The following HPS1 variants were observed in gnomAD, a reference collection of about 807,000 sequenced individuals.
HPS1 encodes the protein BLOC-3 complex member HPS1.
Under a neutral mutation model 90.6 loss-of-function variants are expected in HPS1, and 59 were observed. That is an observed-to-expected ratio of 0.65 (90% CI 0.53 to 0.81). The LOEUF is 0.81. HPS1 is among the 30% of genes least tolerant of loss of function. The pLI is 0.00. For missense variants in HPS1, 849 were observed against 896.7 expected, an observed-to-expected ratio of 0.95 and a Z score of 0.68; for synonymous variants, 388 against 384.4, an observed-to-expected ratio of 1.01 and a Z score of -0.11.
chr10:98,446,630 TCCCCCCAC>T (rs1193846176), intron 1 of HPS1, among the ~76,000 whole-genome samples, 169 bp downstream of exon 1: 3 of 113,556 alleles, frequency 2.6e-5, no homozygotes, highest in African/African-American at 1.0e-4. Context: ...AATCCCCACC[TCCCCCCAC>T]CCCCGAACCT....
At chr10:98,424,455 C>CCTGA in intron 13 of HPS1, 81 bp from the exon 14 acceptor site, 3 of 1,242,868 alleles carry the variant, frequency 2.4e-6, no homozygotes, top group African/African-American at 1.5e-5. Context: ...TCAGATCAGG[C>CCTGA]TCTGAGAGGG....
chr10:98,426,030 T>G (rs1183772269), intron 11 of HPS1, 45 bp from the exon 12 acceptor site: 1 of 1,557,350 alleles, frequency 6.4e-7, no homozygotes, highest in Non-Finnish European at 8.9e-7. Context: ...ATCCCTAAGT[T>G]GGACCCACCC....
rs1846454846 is a variant in HPS1, at chr10:98,431,400, GC to G, written c.508-110del. On this transcript the variant is annotated intron_variant, in intron 6 of 19. Transcript: ENST00000361490. ...TCTGTCCACAGTGAGCTTGGACTCT[GC>G]ACCAGATACTTGGAAACAGGGGGAC... 2.5e-6 allele frequency: 3 copies of G among 1,184,868 alleles called. No homozygotes were observed. The African/African-American group carries it at 4.5e-5, about 18-fold the overall frequency. 73.4% of individuals were successfully genotyped at this position (1,184,868 alleles called of 1,614,324 possible).
intron 2 of HPS1, among the ~76,000 whole-genome samples, chr10:98,444,262 C>G (rs970490080): frequency 1.3e-4 from 20 of 152,096 alleles, no homozygotes; most frequent in Non-Finnish European, 2.1e-4. Flanking sequence ...TCCCCACCCC[C>G]CCGCCACACA....
At chr10:98,429,520 G>T (rs1458599201) in intron 10 of HPS1, 53 bp downstream of exon 10, 1 of 1,613,700 alleles carries the variant, frequency 6.2e-7, no homozygotes, top group East Asian at 2.2e-5. Context: ...GTCCTGGGCT[G>T]CCTGTCGCTC....
chr10:98,414,874 C>T (rs12253431), downstream of HPS1: 66 of 1,314,560 alleles, frequency 5.0e-5, no homozygotes, highest in African/African-American at 6.0e-4. Context: ...CCCCTGCTAG[C>T]GTATAAACTT....
chr10:98,425,661 C>T lies in HPS1; in HGVS notation c.1215G>A (p.Leu405=), dbSNP rs1411480885. 6.2e-6 allele frequency: 10 copies of T among 1,613,520 alleles called. No individual in the cohort carries two copies. The highest frequency in any genetic ancestry group is 8.5e-6 in the Non-Finnish European group (10 of 1,179,936). Reference sequence around the variant, plus strand: ...CCGGCCCTTCCTTCAGCTTCTTCTCCAGCATGGAGAAGCCATCCATCAGCT... The same window carrying T: ...CCGGCCCTTCCTTCAGCTTCTTCTCTAGCATGGAGAAGCCATCCATCAGCT... The part of the protein sequence containing the change: ...LSQLMDGFSM[L]EKKLKEGPEP... Residue 405 remains leucine (L), a synonymous_variant, in exon 13 of 20, where the codon CTG becomes CTA. Transcript: ENST00000361490.
chr10:98,443,125 T>G lies in HPS1; in HGVS notation c.116A>C (p.Glu39Ala). 1 of 1,606,214 alleles carries G rather than the reference T, an allele frequency of 6.2e-7. No individual in the cohort carries two copies. Among genetic ancestry groups the G allele is most frequent in the South Asian group, 1.1e-5 (1 of 90,932 alleles). Reference protein sequence around the residue: ...KFGQSENEEEELPALEDQLST... With the variant: ...KFGQSENEEEALPALEDQLST... Reference sequence around the variant, plus strand: ...TGGGACTGCCTACCCTGCACTCACCTCTTCTTCCTCATTCTCTGACTGCCC... The same window carrying G: ...TGGGACTGCCTACCCTGCACTCACCGCTTCTTCCTCATTCTCTGACTGCCC... The change falls in exon 3 of 20, where the codon GAG (glutamate) becomes GCG (alanine). Residue 39 changes from glutamate to alanine, a missense_variant and splice_region_variant. Transcript: ENST00000361490.
intron 16 of HPS1, 107 bp downstream of exon 16, chr10:98,423,496 A>C: frequency 9.8e-7 from 1 of 1,018,880 alleles, no homozygotes; most frequent in Non-Finnish European, 1.6e-6. Flanking sequence ...ATGGGGTGGA[A>C]CATATATCCC....
chr10:98,440,391 C>T (rs1353182121), intron 3 of HPS1, among the ~76,000 whole-genome samples: 1 of 151,754 alleles, frequency 6.6e-6, no homozygotes, highest in Non-Finnish European at 1.5e-5. Context: ...TATTTATGTC[C>T]ATATGAGGAA....
intron 10 of HPS1, 134 bp downstream of exon 10, chr10:98,429,439 T>TTAG: frequency 6.4e-7 from 1 of 1,562,716 alleles, no homozygotes; most frequent in Non-Finnish European, 8.7e-7. Flanking sequence ...CAGCGTCCTG[T>TTAG]GCTCTAGGAA....
In HPS1 at chr10:98,422,431, A is replaced by G; in HGVS notation, c.1681T>C (p.Cys561Arg). The G allele has an allele frequency of 6.2e-7, 1 of 1,613,998 alleles. No homozygotes were observed. The highest frequency in any genetic ancestry group is 8.5e-7 in the Non-Finnish European group (1 of 1,179,954). ...TGQMVAPSLN[C>R]SQKTSSELGK... ...AACTCCGACGAGGTCTTTTGACTGC[A>G]GTTGAGGGAAGGCGCCACCATCTGC... The change falls in exon 17 of 20, where the codon TGC becomes CGC. Residue 561 changes from cysteine (C) to arginine (R), a missense_variant. Transcript: ENST00000361490.
chr10:98,418,411 G>T (rs1844401555), intron 18 of HPS1, among the ~76,000 whole-genome samples, 154 bp from the exon 19 acceptor site: 1 of 152,188 alleles, frequency 6.6e-6, no homozygotes, highest in Non-Finnish European at 1.5e-5. Context: ...AAGTCAGAAT[G>T]ACAACAGTCA....
At chr10:98,430,340 G>A (rs1021432732) in intron 8 of HPS1, among the ~76,000 whole-genome samples, 2 of 152,128 alleles carry the variant, frequency 1.3e-5, no homozygotes, top group Non-Finnish European at 1.5e-5. Flanking sequence ...GCTGGGTTTC[G>A]AACCATGGCT....
chr10:98,422,360 A>G lies in HPS1; in HGVS notation c.1743+9T>C, dbSNP rs368312283. The stretch of plus-strand genomic sequence containing the variant: ...CCCACCCATCCCCGCCCTGGGTCCA[A>G]ATGGTTACCTTAGTTTTGACAAAGG... On this transcript the variant is annotated intron_variant, in intron 17 of 19. Coordinates refer to ENST00000361490, the MANE Select transcript of HPS1 (RefSeq NM_000195.5). 17 of 1,612,732 alleles carry G rather than the reference A, an allele frequency of 1.1e-5. No individual in the cohort carries two copies. Among genetic ancestry groups the G allele is most frequent in the Admixed American group, 1.7e-5 (1 of 59,992 alleles).
Position 98,417,672 on chromosome 10 carries a change from G to A in HPS1, c.1995C>T (p.Tyr665=), listed in dbSNP as rs138539496. ...KNRPTEAVRC[Y]ELLALHLSVI... ...CAGACAGGTGCAGGGCCAGCAGCTC[G>A]TAGCACCTGACAGCCTCGGTTGGGC... Residue 665 remains tyrosine (Y), a synonymous_variant, in exon 20 of 20, where the codon TAC becomes TAT. Coordinates refer to ENST00000361490, the MANE Select transcript of HPS1 (RefSeq NM_000195.5). This position sits in a 1 kb window ranked among gnomAD's most constrained non-coding sequence, Gnocchi z 4.2. 87 of 1,613,696 alleles carry A rather than the reference G, an allele frequency of 5.4e-5. No homozygotes were observed. The highest frequency in any genetic ancestry group is 6.0e-5 in the Non-Finnish European group (71 of 1,179,924).
chr10:98,429,611 T>C lies in HPS1; in HGVS notation c.899A>G (p.Tyr300Cys). The C allele has an allele frequency of 6.2e-7, 1 of 1,614,100 alleles. No homozygotes were observed. Among genetic ancestry groups the C allele is most frequent in the Non-Finnish European group, 8.5e-7 (1 of 1,180,000 alleles). The part of the protein sequence containing the change: ...ETDSFSLPEE[Y>C]FTPAPSPGDQ... ...GCCAGGGGAAGGAGCTGGTGTGAAG[T>C]ACTCCTCAGGGAGGGAGAAGCTGTC... The change falls in exon 10 of 20, where the codon TAC (tyrosine) becomes TGC (cysteine). Residue 300 changes from tyrosine to cysteine, a missense_variant. Transcript: ENST00000361490.
intron 18 of HPS1, among the ~76,000 whole-genome samples, chr10:98,419,127 G>A (rs1271506430): frequency 6.6e-6 from 1 of 152,072 alleles, no homozygotes; most frequent in East Asian, 2.0e-4. Flanking sequence ...GGCTGTGAGG[G>A]GGTAACTGAG....
chr10:98,440,233 T>C (rs747068138), intron 3 of HPS1, among the ~76,000 whole-genome samples: 1 of 152,216 alleles, frequency 6.6e-6, no homozygotes, highest in Non-Finnish European at 1.5e-5. Flanking sequence ...AATTATAAAG[T>C]AGTACAATAT....
Sources: gnomAD v4.1 joint callset for allele counts (sites outside exome capture counted in the v4.1 genomes callset) on GRCh38, gnomAD v4.1.1 for gene constraint, Gnocchi (gnomAD v3.1) non-coding constraint, MANE v1.5 for transcripts, NCBI Gene and HGNC (gene_info 2026-07-23, HGNC 2026-07-21) for gene names.